RNF150: variants seen among roughly 807,000 people sequenced by gnomAD.
RNF150 encodes the protein ring finger protein 150.
A neutral mutation model predicts 39.3 loss-of-function variants in RNF150; 24 were observed. The ratio of observed to expected loss-of-function variants is 0.61; its 90% confidence interval spans 0.44 to 0.86. The LOEUF (loss-of-function observed/expected upper bound fraction) is 0.86, where lower values mean the gene tolerates loss of function less well. Among genes scored for constraint, RNF150 ranks in the 40% least tolerant of loss-of-function variants. The pLI is 0.00. For missense variants in RNF150, 502 were observed against 587.8 expected (o/e 0.85, Z 1.51); for synonymous variants, 255 against 227.3 (o/e 1.12, Z -1.10).
At chr4:141,016,204 C>T (rs1167540132) in intron 1 of RNF150, among the ~76,000 whole-genome samples, 1 of 152,120 alleles carries the variant, frequency 6.6e-6, no homozygotes, top group African/African-American at 2.4e-5. Flanking sequence ...CTGCTCTCAC[C>T]ATTGAAAACA....
chr4:141,190,487 T>C (rs1728091828), intron 1 of RNF150, among the ~76,000 whole-genome samples: 1 of 152,128 alleles, frequency 6.6e-6, no homozygotes, highest in South Asian at 2.1e-4. Flanking sequence ...CCCAGAAAAT[T>C]GGGAACTACA....
rs555322859 is a variant in RNF150, at chr4:141,210,326, C to T, written c.-6+2468G>A. 4.5e-4 allele frequency among the ~76,000 whole-genome samples: 68 copies of T among 152,206 alleles called. No individual in the cohort carries two copies. The Middle Eastern group carries it at 0.034, about 76-fold the overall frequency. On this transcript the variant is annotated intron_variant, in intron 1 of 7. Coordinates refer to the RNF150 transcript ENST00000420921. ...GATCCGGGACCACTTTAGTTACCTT[C>T]GGGGTTTCAGGTTAGAACCTGAACC...
chr4:141,000,090 A>AAGG (rs1277385315), intron 1 of RNF150, among the ~76,000 whole-genome samples: 3 of 119,788 alleles, frequency 2.5e-5, no homozygotes, highest in Non-Finnish European at 3.7e-5. Flanking sequence ...GAAGAAGGAG[A>AAGG]AGAAGAAGAA....
chr4:141,044,798 C>CACAA (rs55764233), intron 1 of RNF150, among the ~76,000 whole-genome samples: 10 of 143,056 alleles, frequency 7.0e-5, no homozygotes, highest in Admixed American at 2.1e-4. Context: ...CACACACACA[C>CACAA]AATTCATGTG....
chr4:141,098,752 G>A (rs942030926), intron 1 of RNF150, among the ~76,000 whole-genome samples: 1 of 152,052 alleles, frequency 6.6e-6, no homozygotes, highest in African/African-American at 2.4e-5. Flanking sequence ...TTGCTACATT[G>A]TCTCTCTTAC....
intron 1 of RNF150, among the ~76,000 whole-genome samples, chr4:141,150,389 G>A (rs1020613299): frequency 3.9e-5 from 6 of 152,132 alleles, no homozygotes; most frequent in East Asian, 3.9e-4. Context: ...GCTTCTCGCC[G>A]TCACCATCTA....
At chr4:141,097,988 T>TC (rs1337565980) in intron 1 of RNF150, among the ~76,000 whole-genome samples, 1 of 152,046 alleles carries the variant, frequency 6.6e-6, no homozygotes, top group Non-Finnish European at 1.5e-5. Flanking sequence ...GATGCCCCCC[T>TC]CCCTTATGAA....
chr4:140,918,464 C>A (rs771547585), intron 5 of RNF150, among the ~76,000 whole-genome samples: 24 of 152,152 alleles, frequency 1.6e-4, no homozygotes, highest in Non-Finnish European at 3.1e-4. Flanking sequence ...GACACATACA[C>A]CCTCCTAAGG....
At chr4:140,935,412 T>C (rs560096777) in intron 4 of RNF150, among the ~76,000 whole-genome samples, 1 of 152,192 alleles carries the variant, frequency 6.6e-6, no homozygotes, top group East Asian at 1.9e-4. Context: ...GCAAAGCTAG[T>C]TGGCATTCAT....
intron 1 of RNF150, among the ~76,000 whole-genome samples, chr4:141,186,881 C>A (rs1056023839): frequency 6.6e-6 from 1 of 152,094 alleles, no homozygotes; most frequent in South Asian, 2.1e-4. Flanking sequence ...TTAGTTATTT[C>A]CTGTCTTCTG....
At chr4:140,952,503 A>G (rs1578998316) in intron 2 of RNF150, among the ~76,000 whole-genome samples, 1 of 152,216 alleles carries the variant, frequency 6.6e-6, no homozygotes, top group African/African-American at 2.4e-5. Context: ...ATAAAAATAG[A>G]TGGCTTTTGA....
At chr4:141,027,992 A>T (rs921175726) in intron 1 of RNF150, among the ~76,000 whole-genome samples, 2 of 132,750 alleles carry the variant, frequency 1.5e-5, no homozygotes, top group Non-Finnish European at 3.1e-5. Flanking sequence ...GTGCAGAGAA[A>T]ATCTGACAGG....
intron 1 of RNF150, among the ~76,000 whole-genome samples, chr4:141,126,221 G>A (rs1355647781): frequency 1.3e-5 from 2 of 152,144 alleles, no homozygotes; most frequent in Non-Finnish European, 2.9e-5. Flanking sequence ...AGTGGGAACT[G>A]AGGCTCTTAA....
intron 6 of RNF150, among the ~76,000 whole-genome samples, chr4:140,894,434 G>A (rs903809100): frequency 2.6e-5 from 4 of 152,090 alleles, no homozygotes; most frequent in Non-Finnish European, 5.9e-5. Context: ...TGTGGCTCAC[G>A]TAGTTTCTGA....
intron 1 of RNF150, among the ~76,000 whole-genome samples, chr4:141,124,333 G>T (rs957060831): frequency 6.6e-6 from 1 of 152,218 alleles, no homozygotes; most frequent in African/African-American, 2.4e-5. Flanking sequence ...TGCAGCAGGG[G>T]TGTGCTGGGG....
At chr4:141,131,864 G>A (rs915513544) in intron 1 of RNF150, among the ~76,000 whole-genome samples, 2 of 152,068 alleles carry the variant, frequency 1.3e-5, no homozygotes, top group African/African-American at 2.4e-5. Context: ...CAAGTTCGCG[G>A]TGGTGAGCTG....
intron 2 of RNF150, among the ~76,000 whole-genome samples, chr4:140,950,166 CAT>C (rs1267680436): frequency 3.9e-5 from 6 of 152,158 alleles, no homozygotes; most frequent in African/African-American, 1.4e-4. Flanking sequence ...GAGTTTTCTA[CAT>C]GTTTTATCTT....
chr4:141,152,515 T>C lies in RNF150; in HGVS notation c.-6+60279A>G, dbSNP rs142572695. Reference sequence around the variant, plus strand: ...GCCATCCATGTATTTATTTTATTATTTTATTATTTATTTGCATGAAAAAAG... The same window carrying C: ...GCCATCCATGTATTTATTTTATTATCTTATTATTTATTTGCATGAAAAAAG... On this transcript the variant is annotated intron_variant, in intron 1 of 7. Coordinates refer to the RNF150 transcript ENST00000420921. Among the ~76,000 whole-genome samples, 288 of 152,296 alleles carry C rather than the reference T, an allele frequency of 1.9e-3. 1 individual carries two copies. The highest frequency in any genetic ancestry group is 6.7e-3 in the African/African-American group (280 of 41,556).
At chr4:140,879,842 C>A (rs146617943) in intron 6 of RNF150, among the ~76,000 whole-genome samples, 1 of 152,220 alleles carries the variant, frequency 6.6e-6, no homozygotes, top group Non-Finnish European at 1.5e-5. Flanking sequence ...AAATTTGCAC[C>A]TAGAAACTTT....
Sources: allele counts gnomAD v4.1 joint callset (sites outside exome capture counted in the v4.1 genomes callset), GRCh38; gene constraint gnomAD v4.1.1; transcripts MANE v1.5; gene names NCBI Gene and HGNC (gene_info 2026-07-23, HGNC 2026-07-21).